ACKR3: variants seen among roughly 807,000 people sequenced by gnomAD.
ACKR3 encodes the protein atypical chemokine receptor 3, also known as C-X-C chemokine receptor type 7.
A neutral mutation model predicts 22.4 loss-of-function variants in ACKR3; 6 were observed. The observed-to-expected ratio is 0.27, with a 90% CI of 0.15 to 0.53. ACKR3 has a LOEUF of 0.53. Ranked by LOEUF, ACKR3 falls within the 20% of genes least tolerant of loss-of-function variation. The pLI is 0.96. For synonymous variants in ACKR3, 209 were observed against 205.2 expected, an observed-to-expected ratio of 1.02 and a Z score of -0.16; for missense variants, 396 against 475.2, an observed-to-expected ratio of 0.83 and a Z score of 1.55.
At chr2:236,548,536 G>A in the ACKR3 span, among the ~76,000 whole-genome samples, 1 of 152,210 alleles carries the variant, frequency 6.6e-6, no homozygotes, top group East Asian at 1.9e-4. The surrounding 1 kb of genome is among the most constrained non-coding windows in gnomAD (Gnocchi z 4.3). Flanking sequence ...TTCCCAGGGA[G>A]GGTGTGGCAT....
At position 236,577,200 on chromosome 2, in the gene ACKR3, C is replaced by T. The variant is rs574137663; in HGVS notation, c.-26-3240C>T. Among the ~76,000 whole-genome samples the T allele has an allele frequency of 2.5e-4, 38 of 152,270 alleles. No homozygotes were observed. Among genetic ancestry groups the T allele is most frequent in the African/African-American group, 7.5e-4 (31 of 41,554 alleles). ...TGGGGCAGTGAGGAGCTCCAGCCTC[C>T]GCTCTCTCATTCAGCCCTTGGGCAG... On this transcript the variant is annotated intron_variant, in intron 1 of 1. Coordinates refer to ENST00000272928, the MANE Select transcript of ACKR3 (RefSeq NM_020311.3). The surrounding 1 kb of genome is among the most constrained non-coding windows in gnomAD (Gnocchi z 5.6).
upstream of ACKR3, among the ~76,000 whole-genome samples, chr2:236,567,581 G>A (rs1443284349): frequency 6.6e-6 from 1 of 152,188 alleles, no homozygotes; most frequent in Non-Finnish European, 1.5e-5. Context: ...TGTTTTCTGG[G>A]ACAGGGTGGG....
At chr2:236,558,332 T>C in the ACKR3 span, among the ~76,000 whole-genome samples, 6 of 152,226 alleles carry the variant, frequency 3.9e-5, no homozygotes, top group South Asian at 1.2e-3. Context: ...AGCTAGGAAA[T>C]GGGTGGTAAC....
chr2:236,571,620 A>G (rs1026718770), intron 1 of ACKR3, among the ~76,000 whole-genome samples: 4 of 102,250 alleles, frequency 3.9e-5, no homozygotes, highest in Non-Finnish European at 7.8e-5. Context: ...TTCTGAATGA[A>G]AAAAAAAAAA....
At chr2:236,550,582 C>T in the ACKR3 span, among the ~76,000 whole-genome samples, 13 of 152,220 alleles carry the variant, frequency 8.5e-5, no homozygotes, top group East Asian at 1.6e-3. The surrounding 1 kb of genome is among the most constrained non-coding windows in gnomAD (Gnocchi z 4.6). Context: ...TAGCTTCCGG[C>T]AATGTGGGCT....
upstream of ACKR3, among the ~76,000 whole-genome samples, chr2:236,564,553 A>C (rs1691141197): frequency 6.6e-6 from 1 of 151,914 alleles, no homozygotes; most frequent in South Asian, 2.1e-4. Context: ...TTTAGCCAGA[A>C]ATCATACCCT....
upstream of ACKR3, among the ~76,000 whole-genome samples, chr2:236,563,460 G>A (rs1454443097): frequency 1.3e-5 from 2 of 152,214 alleles, no homozygotes; most frequent in Non-Finnish European, 2.9e-5. Context: ...GATAAGAAGA[G>A]AGTAACTAGG....
rs114269199 is a variant in ACKR3, at chr2:236,580,655, G to A, written c.190G>A (p.Val64Met). The change falls in exon 2 of 2, where the codon GTG becomes ATG. Residue 64 changes from valine (V) to methionine (M), a missense_variant. Coordinates refer to ENST00000272928, the MANE Select transcript of ACKR3 (RefSeq NM_020311.3). ...IFVIGMIANS[V>M]VVWVNIQAKT... is the part of the protein sequence containing the mutation. The stretch of plus-strand genomic sequence containing the variant: ...CGTCATCGGCATGATTGCCAACTCC[G>A]TGGTGGTCTGGGTGAATATCCAGGC... 25 of 1,613,950 alleles carry A rather than the reference G, an allele frequency of 1.5e-5. No individual in the cohort carries two copies. The highest frequency in any genetic ancestry group is 6.7e-5 in the East Asian group (3 of 44,890).
At chr2:236,545,800 T>G in the ACKR3 span, among the ~76,000 whole-genome samples, 1 of 152,148 alleles carries the variant, frequency 6.6e-6, no homozygotes, top group African/African-American at 2.4e-5. The surrounding 1 kb of genome is among the most constrained non-coding windows in gnomAD (Gnocchi z 5.3). Flanking sequence ...CCAAATAAAT[T>G]TATATTATTA....
chr2:236,546,584 T>A, the ACKR3 span, among the ~76,000 whole-genome samples: 5 of 152,222 alleles, frequency 3.3e-5, no homozygotes, highest in Admixed American at 6.5e-5. This position sits in a 1 kb window ranked among gnomAD's most constrained non-coding sequence, Gnocchi z 4.9. Flanking sequence ...CGCTCAGGCC[T>A]GCCAGACGTG....
the ACKR3 span, among the ~76,000 whole-genome samples, chr2:236,541,099 G>C: frequency 6.6e-6 from 1 of 152,084 alleles, no homozygotes; most frequent in African/African-American, 2.4e-5. Flanking sequence ...GCATTGACTG[G>C]CTATCCTTAC....
Position 236,581,084 on chromosome 2 carries a change from G to C in ACKR3, c.619G>C (p.Glu207Gln), listed in dbSNP as rs1203157122. 6.2e-7 allele frequency: 1 copy of C among 1,614,090 alleles called. No individual in the cohort carries two copies. The highest frequency in any genetic ancestry group is 1.3e-5 in the African/African-American group (1 of 74,922). Residue 207 changes from glutamate to glutamine, a missense_variant, in exon 2 of 2, where the codon GAG (glutamate) becomes CAG (glutamine). By Grantham distance (29) the Glu-to-Gln change is conservative. Transcript: ENST00000272928. This position sits in a 1 kb window ranked among gnomAD's most constrained non-coding sequence, Gnocchi z 4.4. ...CTTCTACCCCGAGCACAGCATCAAG[G>C]AGTGGCTGATCGGCATGGAGCTGGT... ...RSFYPEHSIK[E>Q]WLIGMELVSV...
chr2:236,537,272 T>C, the ACKR3 span, among the ~76,000 whole-genome samples: 43 of 152,296 alleles, frequency 2.8e-4, no homozygotes, highest in Non-Finnish European at 4.3e-4. Flanking sequence ...GAGGCCAAGG[T>C]CAAGCCCAGG....
Position 236,581,181 on chromosome 2 carries a change from T to A in ACKR3, c.716T>A (p.Ile239Asn). Residue 239 changes from isoleucine (I) to asparagine (N), a missense_variant, in exon 2 of 2, where the codon ATC becomes AAC. Coordinates refer to ENST00000272928, the MANE Select transcript of ACKR3 (RefSeq NM_020311.3). The surrounding 1 kb of genome is among the most constrained non-coding windows in gnomAD (Gnocchi z 4.4). The part of the protein sequence containing the change: ...AVFYFLLARA[I>N]SASSDQEKHS... ...TTCTACTTCCTGCTGGCCAGAGCCATCTCGGCGTCCAGTGACCAGGAGAAG... is the reference window on the plus strand; with the variant it reads ...TTCTACTTCCTGCTGGCCAGAGCCAACTCGGCGTCCAGTGACCAGGAGAAG... 1 of 1,613,716 alleles carries A rather than the reference T, an allele frequency of 6.2e-7. No homozygotes were observed. Among genetic ancestry groups the A allele is most frequent in the Non-Finnish European group, 8.5e-7 (1 of 1,179,618 alleles).
At chr2:236,565,401 G>A (rs1035910346), upstream of ACKR3, among the ~76,000 whole-genome samples, 3 of 152,198 alleles carry the variant, frequency 2.0e-5, no homozygotes, top group Non-Finnish European at 4.4e-5. Context: ...AGCAGAGGGT[G>A]AAATTCCTAT....
Position 236,581,527 on chromosome 2 carries a change from C to T in ACKR3, c.1062C>T (p.Tyr354=), listed in dbSNP as rs1559474521. The T allele has an allele frequency of 6.2e-7, 1 of 1,614,154 alleles. No individual in the cohort carries two copies. The highest frequency in any genetic ancestry group is 2.2e-5 in the East Asian group (1 of 44,884). ...CCTCCAGAGTCTCAGAGACGGAGTACTCTGCCTTGGAGCAGAGCACCAAAT... is the reference window on the plus strand; with the variant it reads ...CCTCCAGAGTCTCAGAGACGGAGTATTCTGCCTTGGAGCAGAGCACCAAAT... ...IDASRVSETE[Y]SALEQSTK The change falls in exon 2 of 2, where the codon TAC becomes TAT. Residue 354 remains tyrosine (Y), a synonymous_variant. Coordinates refer to ENST00000272928, the MANE Select transcript of ACKR3 (RefSeq NM_020311.3). This position sits in a 1 kb window ranked among gnomAD's most constrained non-coding sequence, Gnocchi z 4.4.
At chr2:236,579,494 G>A (rs2106508256) in intron 1 of ACKR3, among the ~76,000 whole-genome samples, 1 of 152,318 alleles carries the variant, frequency 6.6e-6, no homozygotes, top group South Asian at 2.1e-4. Flanking sequence ...AGAAATCAGT[G>A]CCAGATAACA....
At chr2:236,579,770 T>C (rs1468462275) in intron 1 of ACKR3, among the ~76,000 whole-genome samples, 1 of 152,164 alleles carries the variant, frequency 6.6e-6, no homozygotes, top group African/African-American at 2.4e-5. Flanking sequence ...CCCAGAGTCT[T>C]CAGGTTTGGG....
the ACKR3 span, among the ~76,000 whole-genome samples, chr2:236,549,504 C>A: frequency 6.6e-6 from 1 of 152,220 alleles, no homozygotes; most frequent in Non-Finnish European, 1.5e-5. This position sits in a 1 kb window ranked among gnomAD's most constrained non-coding sequence, Gnocchi z 5.3. Context: ...CATGAGGCCT[C>A]TTGACTAAGT....
Sources: allele counts gnomAD v4.1 joint callset (sites outside exome capture counted in the v4.1 genomes callset), GRCh38; gene constraint gnomAD v4.1.1; non-coding constraint Gnocchi (gnomAD v3.1); transcripts MANE v1.5; gene names NCBI Gene and HGNC (gene_info 2026-07-23, HGNC 2026-07-21).